Variants in STT3B observed in about 807,000 individuals in gnomAD.
The protein encoded by STT3B is dolichyl-diphosphooligosaccharide--protein glycosyltransferase subunit STT3B.
In STT3B, 29 loss-of-function variants were observed where a neutral mutation model predicts 96.8. The observed-to-expected ratio is 0.30, with a 90% CI of 0.22 to 0.41. The LOEUF is 0.41. Among genes scored for constraint, STT3B ranks in the 10% least tolerant of loss-of-function variants. The pLI is 1.00. For synonymous variants in STT3B, 367 were observed against 360.0 expected, an observed-to-expected ratio of 1.02 and a Z score of -0.22; for missense variants, 640 against 1,022.3, an observed-to-expected ratio of 0.63 and a Z score of 5.10.
At chr3:31,550,071 A>G (rs1379390192) in intron 1 of STT3B, among the ~76,000 whole-genome samples, 1 of 151,718 alleles carries the variant, frequency 6.6e-6, no homozygotes, top group Non-Finnish European at 1.5e-5. Flanking sequence ...CTTTTTTCCA[A>G]TTAGTTTAGT....
intron 5 of STT3B, among the ~76,000 whole-genome samples, chr3:31,611,738 G>A (rs1202513876): frequency 6.6e-6 from 1 of 151,956 alleles, no homozygotes; most frequent in Non-Finnish European, 1.5e-5. Context: ...CTCAAGTGAT[G>A]CATCCGCCTC....
At chr3:31,540,443 T>C (rs1697237527) in intron 1 of STT3B, among the ~76,000 whole-genome samples, 1 of 152,166 alleles carries the variant, frequency 6.6e-6, no homozygotes, top group Non-Finnish European at 1.5e-5. Context: ...AAGTTGATAA[T>C]ATTTTCTTTT....
chr3:31,606,044 G>C (rs1422569755), intron 5 of STT3B, among the ~76,000 whole-genome samples: 2 of 151,918 alleles, frequency 1.3e-5, no homozygotes, highest in Admixed American at 6.5e-5. Context: ...CCCTGCCCTA[G>C]AGATTTGTGG....
At chr3:31,608,248 A>G (rs1699100984) in intron 5 of STT3B, among the ~76,000 whole-genome samples, 1 of 152,244 alleles carries the variant, frequency 6.6e-6, no homozygotes, top group Non-Finnish European at 1.5e-5. Context: ...ATTTAAAATT[A>G]GAAGTTTCAG....
chr3:31,631,664 T>G (rs1208443032), intron 14 of STT3B, among the ~76,000 whole-genome samples: 1 of 152,136 alleles, frequency 6.6e-6, no homozygotes, highest in Non-Finnish European at 1.5e-5. Flanking sequence ...AAGTTGAGTT[T>G]GGCCAGGCCT....
intron 14 of STT3B, among the ~76,000 whole-genome samples, chr3:31,630,634 C>T (rs1443617584): frequency 6.6e-6 from 1 of 152,132 alleles, no homozygotes; most frequent in African/African-American, 2.4e-5. Flanking sequence ...CTGAAAACTG[C>T]TTATTTCTGT....
chr3:31,570,987 TG>T (rs1234043170), intron 1 of STT3B, among the ~76,000 whole-genome samples: 1 of 152,054 alleles, frequency 6.6e-6, no homozygotes, highest in African/African-American at 2.4e-5. Context: ...ACAGGATTCT[TG>T]CTGTAACTGG....
At chr3:31,578,940 G>C (rs1698318630) in intron 2 of STT3B, among the ~76,000 whole-genome samples, 1 of 152,088 alleles carries the variant, frequency 6.6e-6, no homozygotes, top group African/African-American at 2.4e-5. Context: ...GTATAGCCAG[G>C]AAAGGAAATG....
At chr3:31,567,749 TTA>T (rs1698038700) in intron 1 of STT3B, among the ~76,000 whole-genome samples, 2 of 152,150 alleles carry the variant, frequency 1.3e-5, no homozygotes, top group South Asian at 4.1e-4. Flanking sequence ...TATTTATGGG[TTA>T]TATGTGATGT....
chr3:31,565,431 T>G (rs10222653), intron 1 of STT3B, among the ~76,000 whole-genome samples: 87,258 of 152,012 alleles, frequency 0.57, 27,875 homozygotes, highest in Non-Finnish European at 0.72. Context: ...GAGGAAGGAG[T>G]TGTTGTACAT....
intron 1 of STT3B, among the ~76,000 whole-genome samples, chr3:31,546,967 A>G (rs1209667771): frequency 2.6e-5 from 4 of 152,224 alleles, no homozygotes; most frequent in African/African-American, 9.6e-5. Flanking sequence ...GCAAAGGTGT[A>G]CAATTATGAA....
intron 13 of STT3B, 146 bp downstream of exon 13, chr3:31,626,273 A>G: frequency 1.4e-6 from 1 of 720,166 alleles, no homozygotes; most frequent in Non-Finnish European, 2.2e-6. Flanking sequence ...TATTAAAGAT[A>G]GTAGAGGCAT....
intron 2 of STT3B, among the ~76,000 whole-genome samples, chr3:31,577,724 A>G (rs1397945910): frequency 6.6e-6 from 1 of 152,150 alleles, no homozygotes; most frequent in African/African-American, 2.4e-5. Flanking sequence ...ACATAAAGAG[A>G]TGAAGGCACA....
At chr3:31,610,480 C>CTGCAA (rs71097433) in intron 5 of STT3B, among the ~76,000 whole-genome samples, 86,369 of 151,462 alleles carry the variant, frequency 0.57, 27,464 homozygotes, top group Non-Finnish European at 0.72. Flanking sequence ...TCAATGTAAG[C>CTGCAA]TGCAATGCCT....
chr3:31,573,911 T>G (rs940286328), intron 1 of STT3B, among the ~76,000 whole-genome samples: 10 of 151,132 alleles, frequency 6.6e-5, no homozygotes, highest in African/African-American at 2.2e-4. Flanking sequence ...ATTAGAGAGG[T>G]GGGGGTAAAA....
chr3:31,584,251 T>C (rs531077058), intron 3 of STT3B, among the ~76,000 whole-genome samples: 1 of 152,334 alleles, frequency 6.6e-6, no homozygotes, highest in East Asian at 1.9e-4. Context: ...ATTTCTGGAC[T>C]CTCAATTCTG....
intron 1 of STT3B, among the ~76,000 whole-genome samples, chr3:31,548,339 A>G (rs1697466567): frequency 6.6e-6 from 1 of 152,158 alleles, no homozygotes; most frequent in Non-Finnish European, 1.5e-5. Flanking sequence ...AACAGGGAAA[A>G]AAAATGTTTC....
chr3:31,572,015 C>CATATTAATATATATTAATATGTGAT (rs1553603999), intron 1 of STT3B, among the ~76,000 whole-genome samples: 1 of 131,954 alleles, frequency 7.6e-6, no homozygotes, highest in Non-Finnish European at 1.6e-5. Flanking sequence ...TTTTATTAAA[C>CATATTAATATATATTAATATGTGAT]ATATTAATAT....
intron 5 of STT3B, among the ~76,000 whole-genome samples, chr3:31,607,752 G>GTT (rs148085023): frequency 9.3e-5 from 3 of 32,280 alleles, no homozygotes; most frequent in East Asian, 5.4e-4. Context: ...GTTTTTGGGG[G>GTT]GTTGTTGTGG....
Sources: gnomAD v4.1 joint callset for allele counts (sites outside exome capture counted in the v4.1 genomes callset) on GRCh38, gnomAD v4.1.1 for gene constraint, MANE v1.5 for transcripts, NCBI Gene and HGNC (gene_info 2026-07-23, HGNC 2026-07-21) for gene names.